The following ANKRD17 variants were observed in gnomAD, a reference collection of about 807,000 sequenced individuals.
The protein encoded by ANKRD17 is ankyrin repeat domain-containing protein 17.
Under a neutral mutation model 229.7 loss-of-function variants are expected in ANKRD17, and 19 were observed. The ratio of observed to expected loss-of-function variants is 0.08; its 90% CI spans 0.06 to 0.12. ANKRD17 has a LOEUF of 0.12. Ranked by LOEUF, ANKRD17 falls within the 10% of genes least tolerant of loss-of-function variation. ANKRD17 has a pLI of 1.00. For synonymous variants in ANKRD17, 1,112 were observed against 1,146.1 expected (o/e 0.97, Z 0.60); for missense variants, 2,176 against 3,176.8 (o/e 0.68, Z 7.57).
chr4:73,080,565 T>A (rs948205708), intron 30 of ANKRD17, among the ~76,000 whole-genome samples: 3 of 152,162 alleles, frequency 2.0e-5, no homozygotes, highest in Non-Finnish European at 4.4e-5. Flanking sequence ...GCTTGTTTTT[T>A]AAAAACCTAC....
At chr4:73,078,473 G>T (rs2110086153) in intron 31 of ANKRD17, among the ~76,000 whole-genome samples, 169 bp downstream of exon 31, 1 of 152,110 alleles carries the variant, frequency 6.6e-6, no homozygotes, top group Middle Eastern at 3.4e-3. Context: ...GGGAGGTGGA[G>T]GTTGCAGTGA....
chr4:73,146,733 A>C, intron 10 of ANKRD17, 31 bp downstream of exon 10: 1 of 1,452,280 alleles, frequency 6.9e-7, no homozygotes, highest in Non-Finnish European at 9.5e-7. Context: ...TTATTGTTAA[A>C]TATTAAGATT....
intron 2 of ANKRD17, among the ~76,000 whole-genome samples, chr4:73,174,502 C>T (rs2148980246): frequency 6.6e-6 from 1 of 152,248 alleles, no homozygotes; most frequent in East Asian, 1.9e-4. Flanking sequence ...ATGTTGAAAG[C>T]ATCCCCCCAA....
chr4:73,108,210 C>T (rs1578071121), intron 24 of ANKRD17, among the ~76,000 whole-genome samples: 1 of 152,058 alleles, frequency 6.6e-6, no homozygotes, highest in African/African-American at 2.4e-5. Flanking sequence ...GGTTTCTGGC[C>T]TGAGCAATAA....
chr4:73,213,287 A>G (rs1740567149), intron 1 of ANKRD17, among the ~76,000 whole-genome samples: 1 of 152,220 alleles, frequency 6.6e-6, no homozygotes, highest in Non-Finnish European at 1.5e-5. Context: ...AATAAGGTCA[A>G]GAAGTGAGAA....
rs749788078 is a variant in ANKRD17 at position 73,148,831 on chromosome 4, C to G, written c.1549G>C (p.Ala517Pro). The change falls in exon 8 of 34, where the codon GCA becomes CCA. Residue 517 changes from alanine (A) to proline (P), a missense_variant. Ala to Pro is a conservative substitution (Grantham distance 27, BLOSUM62 -1). Transcript: ENST00000358602. ...AAREGHEEMVALLLGQGANIN... is the reference protein window; with the variant it reads ...AAREGHEEMVPLLLGQGANIN... The stretch of plus-strand genomic sequence containing the variant: ...CGGTTACCTTGACCAAGAAGTAATG[C>G]CACCATTTCTTCATGTCCTTCTCGA... 1.9e-6 allele frequency: 3 copies of G among 1,613,626 alleles called. No individual in the cohort carries two copies. Among genetic ancestry groups the G allele is most frequent in the Non-Finnish European group, 2.5e-6 (3 of 1,179,616 alleles).
At chr4:73,122,774 G>T (rs1424711750) in intron 18 of ANKRD17, among the ~76,000 whole-genome samples, 2 of 151,932 alleles carry the variant, frequency 1.3e-5, no homozygotes, top group Admixed American at 1.3e-4. Context: ...CTTTCAGAGC[G>T]AGTGACAAGG....
At chr4:73,101,503 A>T (rs1560518019) in intron 25 of ANKRD17, among the ~76,000 whole-genome samples, 1 of 151,976 alleles carries the variant, frequency 6.6e-6, no homozygotes, top group Non-Finnish European at 1.5e-5. Flanking sequence ...CATCTCTACT[A>T]AAAATACAAA....
Position 73,085,369 on chromosome 4 carries a change from A to T in ANKRD17, c.7039T>A (p.Ser2347Thr), listed in dbSNP as rs1238463637. Residue 2347 changes from serine (S) to threonine (T), a missense_variant, in exon 30 of 34, where the codon TCA becomes ACA. Ser to Thr is a moderately conservative substitution (Grantham distance 58). Coordinates refer to ENST00000358602, the MANE Select transcript of ANKRD17 (RefSeq NM_032217.5). ...CCAGGTCCGTACATCTGACCTCCTG[A>T]AATGTTTGAAGCAAAGTTTCCCAAA... ...THLGNFASNI[S>T]GGQMYGPGAP... The T allele has an allele frequency of 6.2e-7, 1 of 1,614,142 alleles. No individual in the cohort carries two copies. The highest frequency in any genetic ancestry group is 8.5e-7 in the Non-Finnish European group (1 of 1,180,020).
chr4:73,206,333 A>G (rs1438282065), intron 1 of ANKRD17, among the ~76,000 whole-genome samples: 1 of 152,034 alleles, frequency 6.6e-6, no homozygotes, highest in Non-Finnish European at 1.5e-5. Context: ...GATACGGAAT[A>G]AACCGGAGTA....
chr4:73,131,259 G>T (rs921544379), intron 16 of ANKRD17, among the ~76,000 whole-genome samples: 1 of 152,148 alleles, frequency 6.6e-6, no homozygotes, highest in Admixed American at 6.5e-5. Flanking sequence ...GAGAGTTGAA[G>T]CCCCTTATGA....
intron 2 of ANKRD17, among the ~76,000 whole-genome samples, chr4:73,166,452 A>C (rs966802018): frequency 6.6e-6 from 1 of 152,226 alleles, no homozygotes. Context: ...ATCAAGTATG[A>C]GGATAGTAAG....
chr4:73,119,082 T>C (rs1260777892), intron 21 of ANKRD17, among the ~76,000 whole-genome samples: 2 of 151,780 alleles, frequency 1.3e-5, no homozygotes, highest in Non-Finnish European at 2.9e-5. Flanking sequence ...AGATGGAGTC[T>C]TCCTATGTTA....
At chr4:73,201,195 T>C (rs564880793) in intron 1 of ANKRD17, among the ~76,000 whole-genome samples, 1 of 151,876 alleles carries the variant, frequency 6.6e-6, no homozygotes, top group African/African-American at 2.4e-5. Flanking sequence ...AACCAAAAAA[T>C]GTAAATAACA....
At chr4:73,098,609 G>A (rs1723576917) in intron 25 of ANKRD17, 89 bp from the exon 26 acceptor site, 2 of 1,203,532 alleles carry the variant, frequency 1.7e-6, no homozygotes. Context: ...AAAAACCCAG[G>A]AGAGATACTC....
At chr4:73,158,152 A>AAGAAAGAAAGAAAG (rs1553925348) in intron 3 of ANKRD17, among the ~76,000 whole-genome samples, 113 of 128,768 alleles carry the variant, frequency 8.8e-4, no homozygotes, top group Middle Eastern at 3.9e-3. Flanking sequence ...GAAAGGAAGA[A>AAGAAAGAAAGAAAG]AAAGAAAGAA....
rs750444192 is a variant in ANKRD17, at chr4:73,151,541, C to A, written c.1235-17G>T. 1.9e-5 allele frequency: 28 copies of A among 1,475,520 alleles called. No homozygotes were observed. The highest frequency in any genetic ancestry group is 2.5e-5 in the Non-Finnish European group (28 of 1,104,334). The allele number at this position is 1,475,520 out of a possible 1,614,324, so 91.4% of individuals were successfully genotyped here. A position where few individuals can be genotyped will look rare whatever the true frequency, so the allele number is the denominator to read the frequency against. On this transcript the variant is annotated splice_polypyrimidine_tract_variant and intron_variant, in intron 6 of 33. Coordinates refer to ENST00000358602, the MANE Select transcript of ANKRD17 (RefSeq NM_032217.5). ...CTAAGTGTCCTAAACCAAAAGTGTA[C>A]AAGATTACTTGAAAATATTTTATTA... is the stretch of plus-strand genomic sequence containing the variant.
At chr4:73,187,289 T>C (rs1303045417) in intron 1 of ANKRD17, among the ~76,000 whole-genome samples, 1 of 152,100 alleles carries the variant, frequency 6.6e-6, no homozygotes, top group East Asian at 1.9e-4. Flanking sequence ...GAAAAACCCA[T>C]CCAAGAAAGG....
At chr4:73,214,559 C>A (rs1332573597) in intron 1 of ANKRD17, among the ~76,000 whole-genome samples, 2 of 151,836 alleles carry the variant, frequency 1.3e-5, no homozygotes, top group Admixed American at 1.3e-4. Context: ...AGTTTCTTAA[C>A]ATCGATCAAG....
Sources: gnomAD v4.1 joint callset for allele counts (sites outside exome capture counted in the v4.1 genomes callset) on GRCh38, gnomAD v4.1.1 for gene constraint, MANE v1.5 for transcripts, NCBI Gene and HGNC (gene_info 2026-07-23, HGNC 2026-07-21) for gene names.